The following YTHDF2 variants were observed in gnomAD, a reference collection of about 807,000 sequenced individuals.
The protein encoded by YTHDF2 is YTH domain-containing family protein 2.
YTHDF2 carries 2 observed loss-of-function variants against 50.4 expected under a neutral mutation model. The observed-to-expected ratio is 0.04, with a 90% CI of 0.02 to 0.12. The LOEUF (loss-of-function observed/expected upper bound fraction) is 0.12, where lower values mean the gene tolerates loss of function less well. Ranked by LOEUF, YTHDF2 falls within the 10% of genes least tolerant of loss-of-function variation. The pLI is 1.00. For missense variants in YTHDF2, 483 were observed against 722.6 expected (o/e 0.67, Z 3.80); for synonymous variants, 217 against 255.6 (o/e 0.85, Z 1.44).
rs2318770 is a variant in YTHDF2, at chr1:28,743,120, G to A, written c.850G>A (p.Val284Ile). The change falls in exon 4 of 5, where the codon GTT becomes ATT. Residue 284 changes from valine (V) to isoleucine (I), a missense_variant. Transcript: ENST00000373812. This position sits in a 1 kb window ranked among gnomAD's most constrained non-coding sequence, Gnocchi z 6.9. ...TGGAACTTGGGATAACAAGGGTCCC[G>A]TTGCAAAAGCCCCCTCACAGGCTTT... ...DIGTWDNKGP[V>I]AKAPSQALVQ... 4.1e-5 allele frequency: 66 copies of A among 1,614,030 alleles called. No individual in the cohort carries two copies. The highest frequency in any genetic ancestry group is 5.3e-5 in the African/African-American group (4 of 74,934).
In YTHDF2 at chr1:28,743,782, C is replaced by T. The variant is rs756394170; in HGVS notation, c.1512C>T (p.Asp504=). Residue 504 remains aspartate (D), a synonymous_variant, in exon 4 of 5, where the codon GAC becomes GAT. Coordinates refer to ENST00000373812, the MANE Select transcript of YTHDF2 (RefSeq NM_016258.3). This position sits in a 1 kb window ranked among gnomAD's most constrained non-coding sequence, Gnocchi z 6.9. ...ATGTCAGGTGGATTTTTGTGAAGGA[C>T]GTTCCCAATAGCCAACTGCGACACA... ...RFDVRWIFVK[D]VPNSQLRHIR... 4 of 1,613,182 alleles carry T rather than the reference C, an allele frequency of 2.5e-6. No individual in the cohort carries two copies. Among genetic ancestry groups the T allele is most frequent in the Non-Finnish European group, 3.4e-6 (4 of 1,179,434 alleles).
At chr1:28,759,817 G>A (rs1570477290) in intron 4 of YTHDF2, among the ~76,000 whole-genome samples, 1 of 151,996 alleles carries the variant, frequency 6.6e-6, no homozygotes, top group Admixed American at 6.5e-5. Context: ...CTAGCCGGGC[G>A]TGGTGGTGCA....
rs551781022 is a variant in YTHDF2, at chr1:28,765,417, TAC to T, written c.1717-3510_1717-3509del. Reference sequence around the variant, plus strand: ...TTCCCCCCAGTTTTATGTTTTGAAATACATTTTTAAAAAAAGTTTTGAGAGAC... The same window carrying T: ...TTCCCCCCAGTTTTATGTTTTGAAATATTTTTAAAAAAAGTTTTGAGAGAC... On this transcript the variant is annotated intron_variant, in intron 4 of 4. Coordinates refer to ENST00000373812, the MANE Select transcript of YTHDF2 (RefSeq NM_016258.3). Among the ~76,000 whole-genome samples the T allele has an allele frequency of 8.3e-3, 1,044 of 126,386 alleles. 5 individuals are homozygous for T. Among genetic ancestry groups the T allele is most frequent in the South Asian group, 0.021 (91 of 4,322 alleles). 82.9% of individuals were successfully genotyped at this position (126,386 alleles called of 152,430 possible). A position where few individuals can be genotyped will look rare whatever the true frequency, so the allele number is the denominator to read the frequency against.
At position 28,738,151 on chromosome 1, in the gene YTHDF2, AC is replaced by A. The variant is rs1465519845; in HGVS notation, c.53-107del. The A allele has an allele frequency of 1.2e-4, 96 of 823,608 alleles. 1 individual carries two copies. In the Admixed American group the frequency reaches 1.7e-3, roughly 15 times the overall value. The allele number at this position is 823,608 out of a possible 1,614,324, so 51.0% of individuals were successfully genotyped here. On this transcript the variant is annotated intron_variant, in intron 2 of 4. Transcript: ENST00000373812. ...TCTTACCCTTTTGAAGTTCAATCTTACGTGCTTTGTTAACTAGTAAGGTTTT... is the reference window on the plus strand; with the variant it reads ...TCTTACCCTTTTGAAGTTCAATCTTAGTGCTTTGTTAACTAGTAAGGTTTT...
chr1:28,761,117 G>A (rs2088119390), intron 4 of YTHDF2, among the ~76,000 whole-genome samples: 1 of 113,622 alleles, frequency 8.8e-6, no homozygotes, highest in Non-Finnish European at 1.8e-5. Flanking sequence ...GTGTGTGTGT[G>A]TGTGTGTGTG....
intron 4 of YTHDF2, among the ~76,000 whole-genome samples, chr1:28,745,794 CT>C (rs2124174061): frequency 7.0e-6 from 1 of 142,254 alleles, no homozygotes; most frequent in East Asian, 2.2e-4. Context: ...AATCCCAACA[CT>C]TTGGGAGGAC....
intron 4 of YTHDF2, among the ~76,000 whole-genome samples, chr1:28,763,839 GTAATCT>G (rs2088172480): frequency 6.9e-6 from 1 of 145,180 alleles, no homozygotes; most frequent in East Asian, 2.0e-4. Context: ...GGGGTACAAA[GTAATCT>G]TAATTTTTTC....
At chr1:28,752,951 A>C (rs867544253) in intron 4 of YTHDF2, among the ~76,000 whole-genome samples, 1 of 152,038 alleles carries the variant, frequency 6.6e-6, no homozygotes, top group African/African-American at 2.4e-5. Flanking sequence ...AGGCTGAGGC[A>C]GGAGGATTGC....
chr1:28,746,701 A>T (rs1395429033), intron 4 of YTHDF2, among the ~76,000 whole-genome samples: 1 of 152,022 alleles, frequency 6.6e-6, no homozygotes, highest in African/African-American at 2.4e-5. Flanking sequence ...CAGGGGTTGC[A>T]GTGAGCTGAG....
At chr1:28,749,551 A>C (rs2087917478) in intron 4 of YTHDF2, among the ~76,000 whole-genome samples, 1 of 152,146 alleles carries the variant, frequency 6.6e-6, no homozygotes, top group Non-Finnish European at 1.5e-5. Flanking sequence ...TGAATGAGTG[A>C]ATTTTTTAAA....
intron 4 of YTHDF2, among the ~76,000 whole-genome samples, chr1:28,745,724 G>T (rs868453244): frequency 2.3e-5 from 1 of 43,598 alleles, no homozygotes; most frequent in Admixed American, 3.0e-4. Flanking sequence ...ATCTCCCCCC[G>T]CCCCCCCCCC....
chr1:28,766,441 T>G (rs1325043958), intron 4 of YTHDF2, among the ~76,000 whole-genome samples: 1 of 152,120 alleles, frequency 6.6e-6, no homozygotes, highest in East Asian at 1.9e-4. Flanking sequence ...TTCACTGGTT[T>G]CAAGTCTGTC....
intron 4 of YTHDF2, among the ~76,000 whole-genome samples, chr1:28,744,705 G>C (rs2087832087): frequency 1.3e-5 from 2 of 152,138 alleles, no homozygotes; most frequent in South Asian, 4.1e-4. Flanking sequence ...AGGGTTCTCT[G>C]TTGCCCAGGC....
chr1:28,760,873 C>A (rs2088113244), intron 4 of YTHDF2, among the ~76,000 whole-genome samples: 1 of 152,178 alleles, frequency 6.6e-6, no homozygotes, highest in African/African-American at 2.4e-5. Flanking sequence ...AACCACTGCG[C>A]CTGGCCGAAT....
chr1:28,738,286 A>G lies in YTHDF2; in HGVS notation c.80A>G (p.Asp27Gly). Reference sequence around the variant, plus strand: ...CAAAATGGATCTGTACATCAAAAGGATGGATTAAACGATGATGATTTTGAA... The same window carrying G: ...CAAAATGGATCTGTACATCAAAAGGGTGGATTAAACGATGATGATTTTGAA... ...KVQNGSVHQK[D>G]GLNDDDFEPY... The change falls in exon 3 of 5, where the codon GAT (aspartate) becomes GGT (glycine). Residue 27 changes from aspartate (D) to glycine (G), a missense_variant. Physicochemically the swap from Asp to Gly is moderately conservative, Grantham distance 94. Transcript: ENST00000373812. 1 of 1,614,146 alleles carries G rather than the reference A, an allele frequency of 6.2e-7. No homozygotes were observed. The highest frequency in any genetic ancestry group is 8.5e-7 in the Non-Finnish European group (1 of 1,180,008).
At chr1:28,739,146 G>T (rs975118745) in intron 3 of YTHDF2, 2 of 152,106 alleles carry the variant, frequency 1.3e-5, no homozygotes, top group South Asian at 4.1e-4. Context: ...AGCTATCTAC[G>T]ATCATACCTG....
At chr1:28,761,264 AGCTGG>A (rs1557550056) in intron 4 of YTHDF2, among the ~76,000 whole-genome samples, 3 of 151,166 alleles carry the variant, frequency 2.0e-5, no homozygotes, top group Non-Finnish European at 4.4e-5. Context: ...CCTTCTAAGT[AGCTGG>A]GACCACACAG....
At chr1:28,752,718 C>T (rs1016992240) in intron 4 of YTHDF2, among the ~76,000 whole-genome samples, 6 of 151,944 alleles carry the variant, frequency 3.9e-5, no homozygotes, top group Non-Finnish European at 7.4e-5. Context: ...TTGTGTGTCA[C>T]GACTGTAGCT....
At chr1:28,740,570 A>G (rs1281556263) in intron 3 of YTHDF2, among the ~76,000 whole-genome samples, 3 of 152,114 alleles carry the variant, frequency 2.0e-5, no homozygotes, top group Admixed American at 2.0e-4. Flanking sequence ...TTCAAGTTTA[A>G]TCTGTTGATT....
Sources: gnomAD v4.1 joint callset for allele counts (sites outside exome capture counted in the v4.1 genomes callset) on GRCh38, gnomAD v4.1.1 for gene constraint, Gnocchi (gnomAD v3.1) non-coding constraint, MANE v1.5 for transcripts, NCBI Gene and HGNC (gene_info 2026-07-23, HGNC 2026-07-21) for gene names.